Variants in PRKN observed in about 807,000 individuals in gnomAD.
PRKN encodes the protein parkin RBR E3 ubiquitin protein ligase.
Under a neutral mutation model 59.5 loss-of-function variants are expected in PRKN, and 56 were observed. The ratio of observed to expected loss-of-function variants is 0.94; its 90% CI spans 0.76 to 1.18. The LOEUF (loss-of-function observed/expected upper bound fraction) is 1.18. Among genes scored for constraint, PRKN ranks in the 50% most tolerant of loss-of-function variants. The probability of loss-of-function intolerance (pLI) is 0.00; values close to 1 mark genes in which losing one functional copy is unlikely to be tolerated. For synonymous variants in PRKN, 250 were observed against 222.1 expected (o/e 1.13, Z -1.12); for missense variants, 657 against 596.4 (o/e 1.10, Z -1.06).
At chr6:162,525,468 T>A (rs781347814) in intron 1 of PRKN, among the ~76,000 whole-genome samples, 1 of 152,134 alleles carries the variant, frequency 6.6e-6, no homozygotes, top group Non-Finnish European at 1.5e-5. Context: ...CCAGGCTTGA[T>A]CCAAATCCCA....
intron 7 of PRKN, among the ~76,000 whole-genome samples, chr6:161,640,148 CA>C (rs1311654966): frequency 1.3e-5 from 2 of 152,096 alleles, no homozygotes; most frequent in African/African-American, 4.8e-5. Context: ...ATCCTTTTTC[CA>C]TTAAAATTAT....
intron 6 of PRKN, among the ~76,000 whole-genome samples, chr6:161,877,189 A>G (rs956983829): frequency 6.6e-6 from 1 of 152,090 alleles, no homozygotes; most frequent in Non-Finnish European, 1.5e-5. Context: ...TGGTAGTCAT[A>G]GAGGAGGAAA....
At chr6:162,655,323 T>C (rs1778605048) in intron 1 of PRKN, among the ~76,000 whole-genome samples, 1 of 152,188 alleles carries the variant, frequency 6.6e-6, no homozygotes, top group Non-Finnish European at 1.5e-5. Flanking sequence ...TGATTCGTAA[T>C]TGTATTCCAA....
At chr6:162,141,972 C>A (rs1781801228) in intron 4 of PRKN, among the ~76,000 whole-genome samples, 1 of 152,162 alleles carries the variant, frequency 6.6e-6, no homozygotes, top group African/African-American at 2.4e-5. Flanking sequence ...CTGCAATGCA[C>A]CATTGTAAGC....
intron 4 of PRKN, among the ~76,000 whole-genome samples, chr6:162,156,138 T>C (rs1782504184): frequency 6.6e-6 from 1 of 152,176 alleles, no homozygotes; most frequent in Non-Finnish European, 1.5e-5. Flanking sequence ...TGCTATGCCA[T>C]CATAATCAAA....
intron 6 of PRKN, among the ~76,000 whole-genome samples, chr6:161,857,754 C>G (rs932536019): frequency 6.6e-6 from 1 of 152,198 alleles, no homozygotes; most frequent in Non-Finnish European, 1.5e-5. Flanking sequence ...GATTTCTCCT[C>G]TCTGGTTTAA....
rs1305868619 is a variant in PRKN at position 161,454,303 on chromosome 6, A to C, written c.1084-67426T>G. The stretch of plus-strand genomic sequence containing the variant: ...ATGTTATCCTAGGTCCTGTGAAAGA[A>C]AGACCTCAGGCTCACGTTATTAGAT... On this transcript the variant is annotated intron_variant, in intron 9 of 11. Transcript: ENST00000366898. The surrounding 1 kb of genome is among the most constrained non-coding windows in gnomAD (Gnocchi z 4.6). Among the ~76,000 whole-genome samples the C allele has an allele frequency of 6.6e-6, 1 of 152,170 alleles. No individual in the cohort carries two copies. The highest frequency in any genetic ancestry group is 1.5e-5 in the Non-Finnish European group (1 of 68,018).
chr6:162,600,732 A>G (rs1489593103), intron 1 of PRKN, among the ~76,000 whole-genome samples: 1 of 152,082 alleles, frequency 6.6e-6, no homozygotes, highest in Non-Finnish European at 1.5e-5. Context: ...GTGAGATCTC[A>G]TTGTTTAAAA....
chr6:162,583,245 T>C (rs1780858568), intron 1 of PRKN, among the ~76,000 whole-genome samples: 1 of 152,192 alleles, frequency 6.6e-6, no homozygotes, highest in African/African-American at 2.4e-5. Context: ...TTCTGTTCTT[T>C]GCACATTACC....
chr6:161,450,945 T>C (rs775252434), intron 9 of PRKN, among the ~76,000 whole-genome samples: 3 of 152,188 alleles, frequency 2.0e-5, no homozygotes, highest in Non-Finnish European at 2.9e-5. Context: ...TTGCCACACA[T>C]AGAAGACAAC....
At chr6:161,860,616 T>G (rs542630605) in intron 6 of PRKN, among the ~76,000 whole-genome samples, 14 of 152,318 alleles carry the variant, frequency 9.2e-5, no homozygotes, top group African/African-American at 3.1e-4. Flanking sequence ...GTAAATTTGT[T>G]GAAGTTCCTT....
chr6:161,967,805 G>C (rs1583417312), intron 6 of PRKN, among the ~76,000 whole-genome samples: 1 of 152,238 alleles, frequency 6.6e-6, no homozygotes, highest in East Asian at 1.9e-4. Flanking sequence ...CCTTAAAAGG[G>C]GGAGGCAATG....
intron 9 of PRKN, among the ~76,000 whole-genome samples, chr6:161,489,127 CCTT>C (rs1251857750): frequency 2.0e-5 from 3 of 152,118 alleles, no homozygotes; most frequent in Non-Finnish European, 4.4e-5. Context: ...AATTCACTCT[CCTT>C]CTTCCTATCC....
In PRKN at chr6:161,555,778, T is replaced by C. The variant is rs114812617; in HGVS notation, c.934-6775A>G. Among the ~76,000 whole-genome samples, 493 of 152,320 alleles carry C rather than the reference T, an allele frequency of 3.2e-3. 2 individuals carry two copies. The highest frequency in any genetic ancestry group is 0.011 in the African/African-American group (478 of 41,578). ...GCATCCACATGGCCTGAGTTTGGCA[T>C]AGTATCTTGTCAATAGTTTGTGGAC... On this transcript the variant is annotated intron_variant, in intron 8 of 11. Transcript: ENST00000366898.
chr6:161,834,496 G>A (rs573396970), intron 6 of PRKN, among the ~76,000 whole-genome samples: 1 of 152,272 alleles, frequency 6.6e-6, no homozygotes, highest in East Asian at 1.9e-4. Context: ...TAACTTGTTT[G>A]GGAAATGGTA....
chr6:161,467,345 T>A lies in PRKN; in HGVS notation c.1084-80468A>T, dbSNP rs1790527898. Among the ~76,000 whole-genome samples, 1 of 152,192 alleles carries A rather than the reference T, an allele frequency of 6.6e-6. No individual in the cohort carries two copies. Among genetic ancestry groups the A allele is most frequent in the Non-Finnish European group, 1.5e-5 (1 of 68,038 alleles). Reference sequence around the variant, plus strand: ...GTGAATTTGATATAGACACATATAATACGAACACGATTCTAGCCCTATGGA... The same window carrying A: ...GTGAATTTGATATAGACACATATAAAACGAACACGATTCTAGCCCTATGGA... On this transcript the variant is annotated intron_variant, in intron 9 of 11. Transcript: ENST00000366898. This position sits in a 1 kb window ranked among gnomAD's most constrained non-coding sequence, Gnocchi z 4.3.
chr6:162,133,288 A>G (rs1781444313), intron 4 of PRKN, among the ~76,000 whole-genome samples: 1 of 152,176 alleles, frequency 6.6e-6, no homozygotes, highest in African/African-American at 2.4e-5. Context: ...ATCGGATTCA[A>G]GGTCTAGCTG....
chr6:161,678,483 C>T (rs2128171373), intron 7 of PRKN, among the ~76,000 whole-genome samples: 1 of 151,186 alleles, frequency 6.6e-6, no homozygotes, highest in South Asian at 2.1e-4. Flanking sequence ...GTCATGTATC[C>T]TTGGTTATAA....
At chr6:161,808,088 C>T (rs910566149) in intron 6 of PRKN, among the ~76,000 whole-genome samples, 1 of 151,914 alleles carries the variant, frequency 6.6e-6, no homozygotes, top group Non-Finnish European at 1.5e-5. Context: ...AATAAGGTAC[C>T]CCTAACTTTT....
Sources: allele counts gnomAD v4.1 joint callset (sites outside exome capture counted in the v4.1 genomes callset), GRCh38; gene constraint gnomAD v4.1.1; non-coding constraint Gnocchi (gnomAD v3.1); transcripts MANE v1.5; gene names NCBI Gene and HGNC (gene_info 2026-07-23, HGNC 2026-07-21).